Variants in PLAAT1 observed in about 807,000 individuals in gnomAD.
PLAAT1 encodes H-REV107 protein-related protein.
Under a neutral mutation model 16.4 loss-of-function variants are expected in PLAAT1, and 13 were observed. That is an observed-to-expected ratio of 0.79 (90% CI 0.52 to 1.26). The LOEUF (loss-of-function observed/expected upper bound fraction) is 1.26, where lower values mean the gene tolerates loss of function less well. Ranked by LOEUF, PLAAT1 falls within the 50% of genes most tolerant of loss-of-function variation. The pLI, the probability that PLAAT1 is intolerant of heterozygous loss-of-function variation, is 0.00. For synonymous variants in PLAAT1, 73 were observed against 78.4 expected (o/e 0.93, Z 0.36); for missense variants, 218 against 207.8 (o/e 1.05, Z -0.30).
At chr3:193,251,235 G>A (rs1003401959) in intron 1 of PLAAT1, among the ~76,000 whole-genome samples, 5 of 152,192 alleles carry the variant, frequency 3.3e-5, no homozygotes, top group African/African-American at 9.7e-5. Context: ...GTTCTTGCTG[G>A]CAGAGGCCTC....
Position 193,277,050 on chromosome 3 carries a change from C to T in PLAAT1, c.*60-586C>T, listed in dbSNP as rs1717250159. Among the ~76,000 whole-genome samples, 3 of 152,050 alleles carry T rather than the reference C, an allele frequency of 2.0e-5. No individual in the cohort carries two copies. In the South Asian group the frequency reaches 6.2e-4, roughly 32 times the overall value. On this transcript the variant is annotated intron_variant and NMD_transcript_variant, in intron 2 of 2. Coordinates refer to the PLAAT1 transcript ENST00000416012. ...AATGGACTACCTCTTGGCCTGTGTACCTTTGACAGCCTCATGGTGCCTACT... is the reference window on the plus strand; with the variant it reads ...AATGGACTACCTCTTGGCCTGTGTATCTTTGACAGCCTCATGGTGCCTACT...
intron 3 of PLAAT1, among the ~76,000 whole-genome samples, chr3:193,266,936 C>T (rs767183590): frequency 2.0e-5 from 3 of 151,890 alleles, no homozygotes; most frequent in African/African-American, 4.8e-5. Flanking sequence ...TTGGGAATGG[C>T]TATGTATTTC....
chr3:193,277,643 C>G (rs1439241141), exon 3 of PLAAT1: 4 of 152,136 alleles, frequency 2.6e-5, no homozygotes, highest in Non-Finnish European at 5.9e-5. Flanking sequence ...CAGGTGGAGA[C>G]AGTCTTAATC....
Position 193,241,550 on chromosome 3 carries a change from G to T in PLAAT1, c.-1+17G>T, listed in dbSNP as rs572354037. On this transcript the variant is annotated intron_variant, in intron 1 of 3. Transcript: ENST00000264735. Reference sequence around the variant, plus strand: ...GAGAGTGAGGTGTGCTGGGCGGAGTGGGGGAGGACCTCGAGGCGCCCCGGC... The same window carrying T: ...GAGAGTGAGGTGTGCTGGGCGGAGTTGGGGAGGACCTCGAGGCGCCCCGGC... The T allele has an allele frequency of 3.2e-6, 4 of 1,231,654 alleles. No homozygotes were observed. The highest frequency in any genetic ancestry group is 4.1e-5 in the South Asian group (1 of 24,314). The allele number at this position is 1,231,654 out of a possible 1,614,324, so 76.3% of individuals were successfully genotyped here.
At chr3:193,250,034 A>G (rs1716134309) in intron 1 of PLAAT1, among the ~76,000 whole-genome samples, 2 of 152,028 alleles carry the variant, frequency 1.3e-5, no homozygotes, top group African/African-American at 4.8e-5. Flanking sequence ...ACATATTTCT[A>G]TGTTTCTTCA....
upstream of PLAAT1, chr3:193,241,107 G>A (rs1268895361): frequency 4.7e-6 from 4 of 844,120 alleles, no homozygotes; most frequent in African/African-American, 2.1e-5. Flanking sequence ...GCGCGAGAAG[G>A]TGCAGTTCCC....
chr3:193,270,069 AACACACACAC>A (rs1553807457), intron 3 of PLAAT1, among the ~76,000 whole-genome samples: 15 of 147,992 alleles, frequency 1.0e-4, no homozygotes, highest in African/African-American at 1.5e-4. Context: ...ACATCCCTGA[AACACACACAC>A]ACACACACAC....
rs111588633 is a variant in PLAAT1 at position 193,270,624 on chromosome 3, C to T, written c.426C>T (p.Thr142=). The change falls in exon 4 of 4, where the codon ACC becomes ACT. Residue 142 remains threonine (T), a synonymous_variant. Coordinates refer to ENST00000264735, the MANE Select transcript of PLAAT1 (RefSeq NM_020386.5). ...TATAGGCCAACCGAGCGATAAGTAC[C>T]GTTGAGTTTGTGACAGCTGCTGTTG... ...VSEQANRAIS[T]VEFVTAAVGV... is the part of the protein sequence containing the mutation. 3.7e-5 allele frequency: 59 copies of T among 1,613,270 alleles called. No homozygotes were observed. Among genetic ancestry groups the T allele is most frequent in the African/African-American group, 1.1e-4 (8 of 74,980 alleles).
chr3:193,259,646 T>C (rs555981658), intron 2 of PLAAT1, among the ~76,000 whole-genome samples: 2 of 151,996 alleles, frequency 1.3e-5, no homozygotes, highest in South Asian at 4.2e-4. Flanking sequence ...ATAAATAAAA[T>C]ACCTAGGAAT....
intron 2 of PLAAT1, among the ~76,000 whole-genome samples, chr3:193,261,886 G>A (rs781213791): frequency 2.6e-4 from 40 of 152,176 alleles, no homozygotes; most frequent in Non-Finnish European, 5.0e-4. Context: ...TATGCTCTGA[G>A]GACTTGTAAT....
chr3:193,267,862 C>A (rs1267545084), intron 3 of PLAAT1, among the ~76,000 whole-genome samples: 1 of 152,166 alleles, frequency 6.6e-6, no homozygotes, highest in Admixed American at 6.5e-5. Context: ...CACATCCTTG[C>A]CAGCATTTGA....
At chr3:193,249,357 GT>G (rs1716106920) in intron 1 of PLAAT1, among the ~76,000 whole-genome samples, 1 of 152,128 alleles carries the variant, frequency 6.6e-6, no homozygotes, top group African/African-American at 2.4e-5. Context: ...ACTTAGGAAG[GT>G]TTTCGCAATT....
intron 2 of PLAAT1, among the ~76,000 whole-genome samples, chr3:193,257,583 G>T (rs1560102056): frequency 6.6e-6 from 1 of 152,026 alleles, no homozygotes. Flanking sequence ...ACAAAAACAT[G>T]GAAATTAAAC....
At chr3:193,255,353 T>G (rs1343557134) in intron 1 of PLAAT1, among the ~76,000 whole-genome samples, 1 of 152,178 alleles carries the variant, frequency 6.6e-6, no homozygotes, top group African/African-American at 2.4e-5. Flanking sequence ...GATTTCTAGA[T>G]TTAAAGAGAA....
At chr3:193,252,794 G>A (rs1224403303) in intron 1 of PLAAT1, among the ~76,000 whole-genome samples, 15 of 152,174 alleles carry the variant, frequency 9.9e-5, no homozygotes, top group Non-Finnish European at 1.0e-4. Flanking sequence ...AGCACCAATT[G>A]TCAAAAATCT....
chr3:193,256,413 G>A (rs6796165), intron 2 of PLAAT1, among the ~76,000 whole-genome samples: 2,868 of 152,222 alleles, frequency 0.019, 78 homozygotes, highest in African/African-American at 0.066. Flanking sequence ...TAAAGAAACC[G>A]GTCAGATGCT....
chr3:193,255,842 CA>C, intron 2 of PLAAT1, 53 bp downstream of exon 2: 1 of 1,436,084 alleles, frequency 7.0e-7, no homozygotes, highest in Non-Finnish European at 9.3e-7. Flanking sequence ...GTTCTTGTTA[CA>C]GGAAGTAATC....
At chr3:193,272,768 T>A (rs1218823951), downstream of PLAAT1, among the ~76,000 whole-genome samples, 1 of 152,218 alleles carries the variant, frequency 6.6e-6, no homozygotes, top group Non-Finnish European at 1.5e-5. Flanking sequence ...TGGATTCATG[T>A]TCACATTGGT....
chr3:193,241,047 G>A, upstream of PLAAT1: 2 of 452,284 alleles, frequency 4.4e-6, no homozygotes, highest in Non-Finnish European at 7.0e-6. Flanking sequence ...TTTGACCGTA[G>A]GCGCTGGAGC....
Sources: allele counts gnomAD v4.1 joint callset (sites outside exome capture counted in the v4.1 genomes callset), GRCh38; gene constraint gnomAD v4.1.1; transcripts MANE v1.5; gene names NCBI Gene and HGNC (gene_info 2026-07-23, HGNC 2026-07-21).